Variants in SND1 observed in about 807,000 individuals in gnomAD.
The protein encoded by SND1 is staphylococcal nuclease domain-containing protein 1.
Under a neutral mutation model 121.7 loss-of-function variants are expected in SND1, and 38 were observed. That is an observed-to-expected ratio of 0.31 (90% CI 0.24 to 0.41). The LOEUF is 0.41. Among genes scored for constraint, SND1 ranks in the 10% least tolerant of loss-of-function variants. The probability of loss-of-function intolerance (pLI) is 1.00; values close to 1 mark genes in which losing one functional copy is unlikely to be tolerated. For synonymous variants in SND1, 401 were observed against 447.4 expected (o/e 0.90, Z 1.31); for missense variants, 868 against 1,184.6 (o/e 0.73, Z 3.92).
At chr7:127,932,420 T>G (rs200921593) in intron 15 of SND1, among the ~76,000 whole-genome samples, 1 of 152,198 alleles carries the variant, frequency 6.6e-6, no homozygotes, top group East Asian at 1.9e-4. Flanking sequence ...TTGCATCTTA[T>G]AAATGAGCAG....
intron 15 of SND1, among the ~76,000 whole-genome samples, chr7:127,959,588 A>G (rs1046663098): frequency 3.3e-5 from 5 of 152,080 alleles, no homozygotes; most frequent in Admixed American, 1.3e-4. Context: ...CTACTACTTC[A>G]GATCTTTGGT....
intron 12 of SND1, among the ~76,000 whole-genome samples, chr7:127,875,105 C>T (rs963336191): frequency 3.3e-5 from 5 of 152,118 alleles, no homozygotes; most frequent in African/African-American, 9.7e-5. Flanking sequence ...TCTTCATCTG[C>T]GTATGAAGGC....
chr7:127,782,912 A>G (rs1412945623), intron 10 of SND1, among the ~76,000 whole-genome samples: 1 of 152,230 alleles, frequency 6.6e-6, no homozygotes. Flanking sequence ...GTGAAGCATT[A>G]TCTTCCTCCC....
intron 12 of SND1, among the ~76,000 whole-genome samples, chr7:127,855,548 A>T (rs1387480052): frequency 6.6e-6 from 1 of 151,940 alleles, no homozygotes; most frequent in African/African-American, 2.4e-5. Context: ...TGTAAGTTAG[A>T]GATAATAGTA....
Position 128,081,365 on chromosome 7 carries a change from G to A in SND1, c.1974G>A (p.Trp658Ter). 2 of 1,614,124 alleles carry A rather than the reference G, an allele frequency of 1.2e-6. No individual in the cohort carries two copies. Among genetic ancestry groups the A allele is most frequent in the Non-Finnish European group, 1.7e-6 (2 of 1,180,020 alleles). ...EAAKQKKEKVWAHYEEQPVEE... is the reference protein window; with the variant it reads ...EAAKQKKEKV ...TCTGCCGACTGAACATGCAGGTCTG[G>A]GCCCACTATGAGGAGCAGCCCGTGG... The change falls in exon 18 of 24, where the codon TGG becomes TGA. Residue 658 changes from tryptophan (W) to a stop codon, truncating the protein, a stop_gained. Transcript: ENST00000354725. LOFTEE classifies it high-confidence loss of function.
chr7:128,006,242 G>T (rs1802971825), intron 16 of SND1, among the ~76,000 whole-genome samples: 1 of 152,108 alleles, frequency 6.6e-6, no homozygotes, highest in South Asian at 2.1e-4. Context: ...GTGCGTGCGT[G>T]CGTGTGTGTG....
rs1168144560 is a variant in SND1, at chr7:127,694,941, T to G, written c.342T>G (p.Leu114=). The part of the protein sequence containing the change: ...PQGREYGMIY[L]GKDTNGENIA... Reference sequence around the variant, plus strand: ...GGCGAGAGTATGGCATGATCTACCTTGGAAAAGGTGAGCTGCAGGGAGAGG... The same window carrying G: ...GGCGAGAGTATGGCATGATCTACCTGGGAAAAGGTGAGCTGCAGGGAGAGG... The change falls in exon 3 of 24, where the codon CTT becomes CTG. Residue 114 remains leucine (L), a synonymous_variant. Coordinates refer to ENST00000354725, the MANE Select transcript of SND1 (RefSeq NM_014390.4). 1 of 1,612,392 alleles carries G rather than the reference T, an allele frequency of 6.2e-7. No individual in the cohort carries two copies. The highest frequency in any genetic ancestry group is 1.1e-5 in the South Asian group (1 of 90,788).
At chr7:127,881,055 TTCTGAGGGCAGC>T (rs1194937885) in intron 12 of SND1, among the ~76,000 whole-genome samples, 1 of 152,102 alleles carries the variant, frequency 6.6e-6, no homozygotes, top group Non-Finnish European at 1.5e-5. Context: ...TCATCTATAG[TTCTGAGGGCAGC>T]TCTGAGGGAT....
chr7:128,054,997 A>T (rs138661616), intron 16 of SND1, among the ~76,000 whole-genome samples: 2 of 152,276 alleles, frequency 1.3e-5, no homozygotes, highest in African/African-American at 4.8e-5. Flanking sequence ...TTCTAATAGG[A>T]TGGATATCTG....
At chr7:128,084,389 T>G (rs939902339) in intron 18 of SND1, among the ~76,000 whole-genome samples, 1 of 152,216 alleles carries the variant, frequency 6.6e-6, no homozygotes, top group Non-Finnish European at 1.5e-5. Flanking sequence ...CCTGTCTACT[T>G]TCTTTCTCCA....
intron 20 of SND1, chr7:128,086,685 C>CA (rs1793692938): frequency 5.3e-6 from 3 of 570,830 alleles, no homozygotes; most frequent in Non-Finnish European, 6.3e-6. Context: ...CGATTGTTTT[C>CA]ATGGGAACCA....
intron 14 of SND1, among the ~76,000 whole-genome samples, chr7:127,917,512 ACT>A (rs1800608942): frequency 6.6e-6 from 1 of 151,818 alleles, no homozygotes; most frequent in African/African-American, 2.4e-5. Flanking sequence ...CATTGTCCAC[ACT>A]CTTTTTTGCG....
At position 127,937,537 on chromosome 7, in the gene SND1, G is replaced by A. The variant is rs542566623; in HGVS notation, c.1669+8208G>A. ...CTTTCTGGAGCTGGATTATGACAAAGGAGGCATTGAGAAAAGTTCTAAGTG... is the reference window on the plus strand; with the variant it reads ...CTTTCTGGAGCTGGATTATGACAAAAGAGGCATTGAGAAAAGTTCTAAGTG... On this transcript the variant is annotated intron_variant, in intron 15 of 23. Coordinates refer to ENST00000354725, the MANE Select transcript of SND1 (RefSeq NM_014390.4). Among the ~76,000 whole-genome samples the A allele has an allele frequency of 1.2e-4, 18 of 151,462 alleles. 1 individual carries two copies. In the South Asian group the frequency reaches 3.8e-3, roughly 32 times the overall value.
At chr7:127,775,559 G>T (rs926791013) in intron 10 of SND1, among the ~76,000 whole-genome samples, 4 of 152,018 alleles carry the variant, frequency 2.6e-5, no homozygotes, top group Admixed American at 6.5e-5. Context: ...AAACATTGTT[G>T]TACAACGTTT....
At chr7:127,886,125 G>A (rs911165916) in intron 12 of SND1, among the ~76,000 whole-genome samples, 2 of 152,016 alleles carry the variant, frequency 1.3e-5, no homozygotes, top group Non-Finnish European at 2.9e-5. Context: ...AGACAGGGTG[G>A]CCAGCAAAGC....
intron 10 of SND1, among the ~76,000 whole-genome samples, chr7:127,727,289 T>G (rs1030878555): frequency 1.3e-5 from 2 of 152,214 alleles, no homozygotes; most frequent in African/African-American, 4.8e-5. Flanking sequence ...AGGTGCATTA[T>G]TAGTGATGCC....
intron 15 of SND1, among the ~76,000 whole-genome samples, chr7:127,940,100 C>T (rs1281441029): frequency 6.6e-6 from 1 of 152,072 alleles, no homozygotes; most frequent in Non-Finnish European, 1.5e-5. Flanking sequence ...CTTTAAAGCG[C>T]GTTCTGTCTG....
rs964363830 is a variant in SND1, at chr7:127,695,084, G to A, written c.349+136G>A. ...GTTGGCTGAAGGCATAAATGCAAAT[G>A]CTTTGGGCCCTGAGCACAGGGAATA... On this transcript the variant is annotated intron_variant, in intron 3 of 23. Coordinates refer to ENST00000354725, the MANE Select transcript of SND1 (RefSeq NM_014390.4). The A allele has an allele frequency of 6.0e-6, 6 of 1,007,160 alleles. No individual in the cohort carries two copies. The African/African-American group carries it at 9.7e-5, about 16-fold the overall frequency. 62.4% of individuals were successfully genotyped at this position (1,007,160 alleles called of 1,614,324 possible).
intron 15 of SND1, among the ~76,000 whole-genome samples, chr7:127,968,793 A>G (rs973263361): frequency 6.6e-6 from 1 of 152,216 alleles, no homozygotes; most frequent in African/African-American, 2.4e-5. Context: ...CAGATCCAAC[A>G]TCTCCTGAAC....
Sources: allele counts gnomAD v4.1 joint callset (sites outside exome capture counted in the v4.1 genomes callset), GRCh38; gene constraint gnomAD v4.1.1; transcripts MANE v1.5; gene names NCBI Gene and HGNC (gene_info 2026-07-23, HGNC 2026-07-21).